The following ZNF667 variants were observed in gnomAD, a reference collection of about 807,000 sequenced individuals.
ZNF667 encodes the protein zinc finger protein 667, also known as myocardial ischemic preconditioning upregulated 1 ortholog.
ZNF667 carries 13 observed loss-of-function variants against 31.8 expected under a neutral mutation model. That is an observed-to-expected ratio of 0.41 (90% CI 0.27 to 0.65). The LOEUF is 0.65. Ranked by LOEUF, ZNF667 falls within the 30% of genes least tolerant of loss-of-function variation. The pLI is 0.32. For synonymous variants in ZNF667, 228 were observed against 247.1 expected, an observed-to-expected ratio of 0.92 and a Z score of 0.73; for missense variants, 642 against 725.6, an observed-to-expected ratio of 0.88 and a Z score of 1.32.
Position 56,462,344 on chromosome 19 carries a change from T to C in ZNF667, c.27A>G (p.Lys9=). 4 of 1,614,216 alleles carry C rather than the reference T, an allele frequency of 2.5e-6. No individual in the cohort carries two copies. Among genetic ancestry groups the C allele is most frequent in the Non-Finnish European group, 3.4e-6 (4 of 1,180,030 alleles). The part of the protein sequence containing the change: MPSARGKS[K]SKAPITFGDL... ...AAGAGGAATTGCCACTTACCTTGGA[T>C]TTGGATTTCCCCCGTGCAGAAGGCA... The change falls in exon 4 of 7, where the codon AAA becomes AAG. Residue 9 remains lysine (K), a synonymous_variant. Coordinates refer to ENST00000504904, the MANE Select transcript of ZNF667 (RefSeq NM_001321356.2).
chr19:56,451,588 G>A (rs2042823126), intron 6 of ZNF667, among the ~76,000 whole-genome samples: 1 of 152,056 alleles, frequency 6.6e-6, no homozygotes, highest in Non-Finnish European at 1.5e-5. Context: ...CCAAAAAAAA[G>A]CTGGGTGCAC....
At chr19:56,451,859 A>G (rs1600415920) in intron 6 of ZNF667, among the ~76,000 whole-genome samples, 1 of 115,506 alleles carries the variant, frequency 8.7e-6, no homozygotes, top group Admixed American at 1.1e-4. Flanking sequence ...ACAGAGCAAG[A>G]CCCTGTCTCA....
rs775984339 is a variant in ZNF667, at chr19:56,442,113, T to G, written c.882A>C (p.Ser294=). Residue 294 remains serine (S), a synonymous_variant, in exon 7 of 7, where the codon TCA becomes TCC. Coordinates refer to ENST00000504904, the MANE Select transcript of ZNF667 (RefSeq NM_001321356.2). ...NKCGRGFKKK[S]VFVVHKRIHA... is the part of the protein sequence containing the mutation. The stretch of plus-strand genomic sequence containing the variant: ...GAATTCTTTTATGTACAACAAAGAC[T>G]GATTTCTTTTTGAAGCCTCTCCCAC... 1.1e-5 allele frequency: 18 copies of G among 1,613,336 alleles called. No individual in the cohort carries two copies. In the Middle Eastern group the frequency reaches 4.9e-4, roughly 44 times the overall value.
chr19:56,463,073 G>C (rs542829444), intron 3 of ZNF667, among the ~76,000 whole-genome samples: 1 of 152,194 alleles, frequency 6.6e-6, no homozygotes, highest in East Asian at 1.9e-4. Context: ...GGCAGAGTGA[G>C]TGCAGCGGGG....
Position 56,460,746 on chromosome 19 carries a change from G to A in ZNF667, c.103C>T (p.Gln35Ter). 1.2e-6 allele frequency: 2 copies of A among 1,613,046 alleles called. No individual in the cohort carries two copies. Among genetic ancestry groups the A allele is most frequent in the Non-Finnish European group, 1.7e-6 (2 of 1,179,656 alleles). The part of the protein sequence containing the change: ...QEEWEWLSPI[Q>*]KDLYEDVMLE... ...ATGACATCTTCATACAAATCCTTCTGAATGGGGCTCAGCCATTCCCACTCC... is the reference window on the plus strand; with the variant it reads ...ATGACATCTTCATACAAATCCTTCTAAATGGGGCTCAGCCATTCCCACTCC... The change falls in exon 5 of 7, where the codon CAG becomes TAG. Residue 35 changes from glutamine to a stop codon, truncating the protein, a stop_gained. Transcript: ENST00000504904. LOFTEE classifies it high-confidence loss of function.
intron 6 of ZNF667, among the ~76,000 whole-genome samples, chr19:56,451,868 CAAAAAAAAAAAAAAAAAA>C (rs71184363): frequency 1.2e-5 from 1 of 80,976 alleles, no homozygotes; most frequent in African/African-American, 5.4e-5. Flanking sequence ...GACCCTGTCT[CAAAAAAAAAAAAAAAAAA>C]AAAAAAAAAA....
At chr19:56,465,965 G>C (rs1184330438) in intron 3 of ZNF667, among the ~76,000 whole-genome samples, 1 of 152,194 alleles carries the variant, frequency 6.6e-6, no homozygotes, top group Admixed American at 6.5e-5. Context: ...TTCCTCCTGG[G>C]AGTCTGCAAT....
intron 6 of ZNF667, among the ~76,000 whole-genome samples, chr19:56,447,907 G>A (rs1011108761): frequency 1.3e-5 from 2 of 151,982 alleles, no homozygotes; most frequent in African/African-American, 4.8e-5. Flanking sequence ...AACTAAAAAG[G>A]AGAAAGTGGA....
At chr19:56,451,319 C>A (rs2042816998) in intron 6 of ZNF667, among the ~76,000 whole-genome samples, 1 of 151,658 alleles carries the variant, frequency 6.6e-6, no homozygotes, top group Non-Finnish European at 1.5e-5. Flanking sequence ...CACCGAGATA[C>A]ATAAAGCAAA....
chr19:56,458,304 A>T, intron 5 of ZNF667, 57 bp from the exon 6 acceptor site: 1 of 1,486,932 alleles, frequency 6.7e-7, no homozygotes, highest in Non-Finnish European at 9.4e-7. Flanking sequence ...CAGAAGTCAG[A>T]GCCACGCTCT....
rs533217285 is a variant in ZNF667, at chr19:56,463,080, G to A, written c.-59-651C>T. Among the ~76,000 whole-genome samples the A allele has an allele frequency of 4.6e-5, 7 of 152,248 alleles. No homozygotes were observed. The South Asian group carries it at 8.3e-4, about 18-fold the overall frequency. ...TGTACTGAGGCAGAGTGAGTGCAGC[G>A]GGGAGGGTGGGCTAAGGCAGGCAGG... On this transcript the variant is annotated intron_variant, in intron 3 of 6. Transcript: ENST00000504904.
At chr19:56,464,712 G>T (rs929054081) in intron 3 of ZNF667, among the ~76,000 whole-genome samples, 1 of 152,124 alleles carries the variant, frequency 6.6e-6, no homozygotes, top group Non-Finnish European at 1.5e-5. Flanking sequence ...TATGTGGGTA[G>T]TACCTCCCCC....
rs2042577595 is a variant in ZNF667, at chr19:56,440,396, T to A, written c.*766A>T. 1 of 159,948 alleles carries A rather than the reference T, an allele frequency of 6.3e-6. No homozygotes were observed. The highest frequency in any genetic ancestry group is 1.3e-5 in the Non-Finnish European group (1 of 75,172). 9.9% of individuals were successfully genotyped at this position (159,948 alleles called of 1,614,324 possible). A position where few individuals can be genotyped will look rare whatever the true frequency, so the allele number is the denominator to read the frequency against. Reference sequence around the variant, plus strand: ...GTTACACACCATTATGAGTGACAACTTTATCTACCTAAAGACTCACTTTTC... The same window carrying A: ...GTTACACACCATTATGAGTGACAACATTATCTACCTAAAGACTCACTTTTC... On this transcript the variant is annotated 3_prime_UTR_variant, in exon 7 of 7. Coordinates refer to ENST00000504904, the MANE Select transcript of ZNF667 (RefSeq NM_001321356.2).
chr19:56,449,735 T>C (rs1299547775), intron 6 of ZNF667: 1 of 140,962 alleles, frequency 7.1e-6, no homozygotes, highest in Admixed American at 7.1e-5. Context: ...AAATCCAAGA[T>C]AACACAGAGC....
In ZNF667 at chr19:56,457,268, T is replaced by C. The variant is rs377282202; in HGVS notation, c.253+887A>G. The stretch of plus-strand genomic sequence containing the variant: ...ATCACAAAAATCATGCAGATTTGAA[T>C]GTTATCGTAAGTATTAACAGAGAGG... On this transcript the variant is annotated intron_variant, in intron 6 of 6. Coordinates refer to ENST00000504904, the MANE Select transcript of ZNF667 (RefSeq NM_001321356.2). 1.4e-4 allele frequency among the ~76,000 whole-genome samples: 22 copies of C among 152,318 alleles called. 1 individual carries two copies. The South Asian group carries it at 3.3e-3, about 23-fold the overall frequency.
intron 6 of ZNF667, among the ~76,000 whole-genome samples, chr19:56,448,165 A>G (rs931731130): frequency 6.6e-6 from 1 of 152,032 alleles, no homozygotes; most frequent in Non-Finnish European, 1.5e-5. Flanking sequence ...GAGAGAATCT[A>G]TGTGTTTGGA....
Position 56,441,200 on chromosome 19 carries a change from T to A in ZNF667, c.1795A>T (p.Ile599Phe), listed in dbSNP as rs1165139094. 4 of 1,613,094 alleles carry A rather than the reference T, an allele frequency of 2.5e-6. No individual in the cohort carries two copies. Among genetic ancestry groups the A allele is most frequent in the South Asian group, 2.2e-5 (2 of 91,070 alleles). ...TCAGAATGTGTATTCTGATGTCGAA[T>A]CAGGGATGAACTCCGACTATATGCC... ...GKAYSRSSSL[I>F]RHQNTHSEEK... is the part of the protein sequence containing the mutation. The change falls in exon 7 of 7, where the codon ATT becomes TTT. Residue 599 changes from isoleucine to phenylalanine, a missense_variant. By Grantham distance (21) the Ile-to-Phe change is conservative. Transcript: ENST00000504904. The surrounding 1 kb of genome is among the most constrained non-coding windows in gnomAD (Gnocchi z 4.2).
chr19:56,460,699 C>T lies in ZNF667; in HGVS notation c.150G>A (p.Leu50=). ...EDVMLENYRN[L]VSLGLSFRRP... ...GACGAAGAGCCTTACCAAGCGAGAC[C>T]AGGTTCCGGTAATTCTCCAACATGA... is the stretch of plus-strand genomic sequence containing the variant. Residue 50 remains leucine, a synonymous_variant, in exon 5 of 7, where the codon CTG becomes CTA. Coordinates refer to ENST00000504904, the MANE Select transcript of ZNF667 (RefSeq NM_001321356.2). 2 of 1,611,294 alleles carry T rather than the reference C, an allele frequency of 1.2e-6. No homozygotes were observed. Among genetic ancestry groups the T allele is most frequent in the Non-Finnish European group, 1.7e-6 (2 of 1,178,828 alleles).
Position 56,460,792 on chromosome 19 carries a change from T to C in ZNF667, c.57A>G (p.Leu19=), listed in dbSNP as rs1192454426. The C allele has an allele frequency of 6.2e-7, 1 of 1,608,310 alleles. No individual in the cohort carries two copies. Among genetic ancestry groups the C allele is most frequent in the African/African-American group, 1.3e-5 (1 of 74,644 alleles). Residue 19 remains leucine, a synonymous_variant, in exon 5 of 7, where the codon TTA becomes TTG. Coordinates refer to ENST00000504904, the MANE Select transcript of ZNF667 (RefSeq NM_001321356.2). ...KSKAPITFGD[L]AIYFSQEEWE... ...ACTCCTCCTGGGAGAAGTAGATGGCTAAGTCCCCAAATGTTATAGGTGCCT... is the reference window on the plus strand; with the variant it reads ...ACTCCTCCTGGGAGAAGTAGATGGCCAAGTCCCCAAATGTTATAGGTGCCT...
Sources: allele counts gnomAD v4.1 joint callset (sites outside exome capture counted in the v4.1 genomes callset), GRCh38; gene constraint gnomAD v4.1.1; non-coding constraint Gnocchi (gnomAD v3.1); transcripts MANE v1.5; gene names NCBI Gene and HGNC (gene_info 2026-07-23, HGNC 2026-07-21).